The following TESPA1 variants were observed in gnomAD, a reference collection of about 807,000 sequenced individuals.
TESPA1 encodes the protein thymocyte expressed, positive selection associated 1.
In TESPA1, 33 loss-of-function variants were observed where a neutral mutation model predicts 57.9. The observed-to-expected ratio is 0.57, with a 90% confidence interval of 0.43 to 0.76. The LOEUF (loss-of-function observed/expected upper bound fraction) is 0.76, where lower values mean the gene tolerates loss of function less well. TESPA1 is among the 30% of genes least tolerant of loss of function. The pLI, the probability that TESPA1 is intolerant of heterozygous loss-of-function variation, is 0.00. For synonymous variants in TESPA1, 227 were observed against 228.9 expected (o/e 0.99, Z 0.07); for missense variants, 618 against 632.9 (o/e 0.98, Z 0.25).
At chr12:54,963,273 G>C in intron 8 of TESPA1, 31 bp from the exon 9 acceptor site, 1 of 1,571,076 alleles carries the variant, frequency 6.4e-7, no homozygotes. Flanking sequence ...TGGTAAGTCT[G>C]GGGTTCATCA....
Position 54,969,021 on chromosome 12 carries a change from GTATATATA to G in TESPA1, c.207-1137_207-1130del, listed in dbSNP as rs56901356. Among the ~76,000 whole-genome samples, 346 of 83,674 alleles carry G rather than the reference GTATATATA, an allele frequency of 4.1e-3. 4 individuals carry two copies. Among genetic ancestry groups the G allele is most frequent in the African/African-American group, 0.015 (336 of 21,966 alleles). 54.9% of individuals were successfully genotyped at this position (83,674 alleles called of 152,430 possible). On this transcript the variant is annotated intron_variant, in intron 3 of 10. Coordinates refer to ENST00000449076, the MANE Select transcript of TESPA1 (RefSeq NM_001136030.3). ...AATAAGTCACTACATATTTATATAT[GTATATATA>G]TATATATATATATATATGTGTGTGT...
rs924506191 is a variant in TESPA1, at chr12:54,950,035, G to A, written c.*357C>T. 35 of 216,788 alleles carry A rather than the reference G, an allele frequency of 1.6e-4. No homozygotes were observed. Among genetic ancestry groups the A allele is most frequent in the African/African-American group, 7.5e-4 (32 of 42,914 alleles). 13.4% of individuals were successfully genotyped at this position (216,788 alleles called of 1,614,324 possible). A position where few individuals can be genotyped will look rare whatever the true frequency, so the allele number is the denominator to read the frequency against. On this transcript the variant is annotated 3_prime_UTR_variant, in exon 11 of 11. Transcript: ENST00000449076. ...TCCTGAAGTCTCCTAACTGCCCTTG[G>A]CAATGTCAAAGCTTGGGAGAAAATT...
At chr12:54,952,638 G>A (rs1950470851) in intron 10 of TESPA1, among the ~76,000 whole-genome samples, 1 of 152,140 alleles carries the variant, frequency 6.6e-6, no homozygotes, top group African/African-American at 2.4e-5. Context: ...TATCTAATAT[G>A]GCAATCTGTT....
chr12:54,969,455 T>G (rs975922679), intron 3 of TESPA1, among the ~76,000 whole-genome samples: 26 of 152,270 alleles, frequency 1.7e-4, no homozygotes, highest in Non-Finnish European at 3.8e-4. Context: ...CTACTATTAC[T>G]AGAGGTACAT....
chr12:54,951,441 C>G (rs750622538), intron 10 of TESPA1, among the ~76,000 whole-genome samples: 2 of 152,222 alleles, frequency 1.3e-5, no homozygotes, highest in Non-Finnish European at 2.9e-5. Context: ...AGAAGAGACT[C>G]ATACAATTCC....
chr12:54,971,947 C>G (rs571605829), intron 3 of TESPA1, among the ~76,000 whole-genome samples: 1 of 152,132 alleles, frequency 6.6e-6, no homozygotes, highest in Non-Finnish European at 1.5e-5. Flanking sequence ...ATAAAACTCA[C>G]CAGTCACTCA....
intron 3 of TESPA1, among the ~76,000 whole-genome samples, chr12:54,970,094 A>G (rs988804375): frequency 6.6e-6 from 1 of 152,054 alleles, no homozygotes; most frequent in African/African-American, 2.4e-5. Flanking sequence ...GGCTAATTTT[A>G]AAAAACTGTT....
intron 1 of TESPA1, among the ~76,000 whole-genome samples, chr12:54,975,949 G>T (rs1231850002): frequency 6.6e-6 from 1 of 152,156 alleles, no homozygotes; most frequent in Non-Finnish European, 1.5e-5. Context: ...CTTCACTTCA[G>T]GTCCAGTCCA....
chr12:54,972,671 T>C (rs1951908878), intron 3 of TESPA1, among the ~76,000 whole-genome samples: 1 of 152,238 alleles, frequency 6.6e-6, no homozygotes, highest in Admixed American at 6.5e-5. Flanking sequence ...GGCATTGCCT[T>C]CTTGGGTACA....
rs71070858 is a variant in TESPA1, at chr12:54,969,046, T to TAC, written c.207-1155_207-1154insGT. Reference sequence around the variant, plus strand: ...GTATATATATATATATATATATATATGTGTGTGTGTAGATAGATAGATATA... The same window carrying TAC: ...GTATATATATATATATATATATATATACGTGTGTGTGTAGATAGATAGATATA... On this transcript the variant is annotated intron_variant, in intron 3 of 10. Transcript: ENST00000449076. Among the ~76,000 whole-genome samples the TAC allele has an allele frequency of 1.2e-3, 146 of 124,464 alleles. 7 individuals are homozygous for TAC. Among genetic ancestry groups the TAC allele is most frequent in the East Asian group, 8.3e-3 (18 of 2,170 alleles). 81.7% of individuals were successfully genotyped at this position (124,464 alleles called of 152,430 possible). A position where few individuals can be genotyped will look rare whatever the true frequency, so the allele number is the denominator to read the frequency against.
intron 10 of TESPA1, 29 bp downstream of exon 10, chr12:54,961,139 T>G: frequency 4.8e-5 from 78 of 1,609,838 alleles, no homozygotes; most frequent in Non-Finnish European, 5.9e-5. Context: ...CAGCCAGGTT[T>G]GAGAACTGCC....
At chr12:54,959,132 G>A (rs2136074805) in intron 10 of TESPA1, among the ~76,000 whole-genome samples, 1 of 152,336 alleles carries the variant, frequency 6.6e-6, no homozygotes, top group East Asian at 1.9e-4. Context: ...GGTTTAGGGA[G>A]AAGGGAAGCG....
intron 4 of TESPA1, 120 bp from the exon 5 acceptor site, chr12:54,967,356 A>T: frequency 2.7e-6 from 3 of 1,100,392 alleles, no homozygotes; most frequent in Non-Finnish European, 4.0e-6. Context: ...GCACAACCAG[A>T]TAATCATACT....
chr12:54,968,756 T>C (rs1260782332), intron 3 of TESPA1, among the ~76,000 whole-genome samples: 7 of 152,120 alleles, frequency 4.6e-5, no homozygotes, highest in Non-Finnish European at 7.4e-5. Context: ...AAGTTATTCA[T>C]GGTGCTTTAA....
chr12:54,961,312 AG>A (rs1951060946), intron 9 of TESPA1, 45 bp from the exon 10 acceptor site: 4 of 1,609,942 alleles, frequency 2.5e-6, no homozygotes, highest in Non-Finnish European at 3.4e-6. Flanking sequence ...CAAGGGGGAA[AG>A]GGGGTAAGGA....
At chr12:54,957,498 T>C (rs1326980230) in intron 10 of TESPA1, among the ~76,000 whole-genome samples, 2 of 152,210 alleles carry the variant, frequency 1.3e-5, no homozygotes, top group African/African-American at 2.4e-5. Flanking sequence ...GGCTTTAATA[T>C]TGGCAGTACT....
intron 1 of TESPA1, among the ~76,000 whole-genome samples, chr12:54,980,300 T>C (rs755075165): frequency 1.7e-4 from 26 of 152,254 alleles, no homozygotes; most frequent in Non-Finnish European, 3.1e-4. Context: ...GTTTGTGTTA[T>C]TAGAATAATT....
intron 10 of TESPA1, among the ~76,000 whole-genome samples, chr12:54,958,359 G>T (rs939502844): frequency 6.6e-6 from 1 of 152,176 alleles, no homozygotes; most frequent in Non-Finnish European, 1.5e-5. Context: ...CTGAGGAGAA[G>T]TTGCATGTAA....
intron 1 of TESPA1, among the ~76,000 whole-genome samples, chr12:54,978,974 T>C (rs1952222224): frequency 6.6e-6 from 1 of 152,258 alleles, no homozygotes; most frequent in Non-Finnish European, 1.5e-5. Flanking sequence ...GTGCTGTACC[T>C]GCAGAGGAGC....
Sources: allele counts gnomAD v4.1 joint callset (sites outside exome capture counted in the v4.1 genomes callset), GRCh38; gene constraint gnomAD v4.1.1; transcripts MANE v1.5; gene names NCBI Gene and HGNC (gene_info 2026-07-23, HGNC 2026-07-21).